Variants in ROBO1 observed in about 807,000 individuals in gnomAD.
ROBO1 encodes roundabout guidance receptor 1.
A neutral mutation model predicts 195.9 loss-of-function variants in ROBO1; 149 were observed. The observed-to-expected ratio is 0.76, with a 90% CI of 0.67 to 0.87. ROBO1 has a LOEUF of 0.87. Among genes scored for constraint, ROBO1 ranks in the 40% least tolerant of loss-of-function variants. ROBO1 has a pLI of 0.00. For missense variants in ROBO1, 1,933 were observed against 2,068.3 expected (o/e 0.93, Z 1.27); for synonymous variants, 816 against 733.2 (o/e 1.11, Z -1.82).
intron 3 of ROBO1, among the ~76,000 whole-genome samples, chr3:79,050,018 T>C (rs963590107): frequency 6.6e-6 from 1 of 152,126 alleles, no homozygotes; most frequent in Non-Finnish European, 1.5e-5. Flanking sequence ...AACCTCATAA[T>C]GACAGGATTA....
intron 2 of ROBO1, among the ~76,000 whole-genome samples, chr3:79,434,842 A>G (rs2038823832): frequency 6.6e-6 from 1 of 152,200 alleles, no homozygotes; most frequent in African/African-American, 2.4e-5. Context: ...GACTGGATTA[A>G]AAAAATATGG....
intron 2 of ROBO1, among the ~76,000 whole-genome samples, chr3:79,273,146 A>C (rs2030721357): frequency 6.6e-6 from 1 of 152,150 alleles, no homozygotes; most frequent in Non-Finnish European, 1.5e-5. Context: ...GACATTAATG[A>C]GCACTAAGAA....
chr3:79,032,106 C>CTTAAA (rs2078306975), intron 3 of ROBO1, among the ~76,000 whole-genome samples: 1 of 150,952 alleles, frequency 6.6e-6, no homozygotes, highest in African/African-American at 2.4e-5. Flanking sequence ...GTAGATAAGG[C>CTTAAA]TTAAGAGAGG....
chr3:79,212,563 A>ACAAT lies in ROBO1; in HGVS notation c.89-87028_89-87025dup, dbSNP rs558735914. On this transcript the variant is annotated intron_variant, in intron 2 of 30. Coordinates refer to ENST00000464233, the MANE Select transcript of ROBO1 (RefSeq NM_002941.4). ...TAGGCTGGGCGTGGTGGCTACACCTACAATCCCAGCACTTTGGGAGACTGA... is the reference window on the plus strand; with the variant it reads ...TAGGCTGGGCGTGGTGGCTACACCTACAATCAATCCCAGCACTTTGGGAGACTGA... Among the ~76,000 whole-genome samples, 183 of 152,172 alleles carry ACAAT rather than the reference A, an allele frequency of 1.2e-3. 1 individual carries two copies. The highest frequency in any genetic ancestry group is 4.2e-3 in the African/African-American group (175 of 41,556).
chr3:79,179,958 C>T (rs2081313977), intron 2 of ROBO1, among the ~76,000 whole-genome samples: 1 of 152,108 alleles, frequency 6.6e-6, no homozygotes, highest in Non-Finnish European at 1.5e-5. Flanking sequence ...TTTTGGTGTG[C>T]TTTCTCCTAT....
chr3:79,545,587 C>A (rs79794170), intron 2 of ROBO1, among the ~76,000 whole-genome samples: 1,600 of 152,204 alleles, frequency 0.011, 26 homozygotes, highest in African/African-American at 0.037. Flanking sequence ...AAGTCCAATG[C>A]TTTGCAGTAT....
chr3:78,951,995 T>C (rs1182674842), intron 3 of ROBO1, among the ~76,000 whole-genome samples: 1 of 151,760 alleles, frequency 6.6e-6, no homozygotes, highest in Non-Finnish European at 1.5e-5. Context: ...TTATTCTTTA[T>C]TCATATATAT....
chr3:78,773,697 T>G (rs1341037478), intron 4 of ROBO1, among the ~76,000 whole-genome samples: 1 of 152,190 alleles, frequency 6.6e-6, no homozygotes, highest in Non-Finnish European at 1.5e-5. Flanking sequence ...TGTCATGTGC[T>G]AGACAATCCC....
intron 4 of ROBO1, among the ~76,000 whole-genome samples, chr3:78,828,422 A>G (rs1366684797): frequency 6.6e-6 from 1 of 152,154 alleles, no homozygotes; most frequent in Non-Finnish European, 1.5e-5. Flanking sequence ...TCATTTGAAA[A>G]TGTGTGTGCT....
chr3:79,673,051 A>G (rs952851559), intron 1 of ROBO1, among the ~76,000 whole-genome samples: 2 of 151,982 alleles, frequency 1.3e-5, no homozygotes, highest in African/African-American at 4.8e-5. Flanking sequence ...GGGCATTCAT[A>G]CCATCAAAGA....
intron 2 of ROBO1, among the ~76,000 whole-genome samples, chr3:79,573,754 C>G (rs1943355284): frequency 6.6e-6 from 1 of 152,168 alleles, no homozygotes; most frequent in African/African-American, 2.4e-5. Flanking sequence ...ATCTGCTGGT[C>G]ACTTCATTAA....
intron 2 of ROBO1, among the ~76,000 whole-genome samples, chr3:79,143,290 T>C (rs541535316): frequency 6.6e-6 from 1 of 152,206 alleles, no homozygotes; most frequent in South Asian, 2.1e-4. Flanking sequence ...AATCTTCCAT[T>C]GCTGGTAAAA....
At chr3:78,701,729 C>A (rs2081425268) in intron 8 of ROBO1, among the ~76,000 whole-genome samples, 1 of 151,918 alleles carries the variant, frequency 6.6e-6, no homozygotes, top group African/African-American at 2.4e-5. Flanking sequence ...GTAAAACGGC[C>A]TATCTATCAG....
At chr3:79,671,349 A>G (rs373588313) in intron 1 of ROBO1, among the ~76,000 whole-genome samples, 21 of 151,960 alleles carry the variant, frequency 1.4e-4, no homozygotes, top group African/African-American at 4.8e-4. Context: ...AGAGAGAATG[A>G]AAAATCCAGA....
rs1453429145 is a variant in ROBO1 at position 79,240,521 on chromosome 3, T to G, written c.89-114982A>C. Among the ~76,000 whole-genome samples, 3 of 152,224 alleles carry G rather than the reference T, an allele frequency of 2.0e-5. 1 individual carries two copies. The East Asian group carries it at 5.8e-4, about 29-fold the overall frequency. The stretch of plus-strand genomic sequence containing the variant: ...TCCTGGCCTTAAATTTTATCTGTTT[T>G]TGAAAACTGGGGGAAAGAAATATGA... On this transcript the variant is annotated intron_variant, in intron 2 of 30. Coordinates refer to ENST00000464233, the MANE Select transcript of ROBO1 (RefSeq NM_002941.4).
At chr3:79,296,426 C>T (rs1022585651) in intron 2 of ROBO1, among the ~76,000 whole-genome samples, 7 of 151,516 alleles carry the variant, frequency 4.6e-5, no homozygotes, top group Non-Finnish European at 7.4e-5. Context: ...TAGACTCTGC[C>T]ATAGAAAGAC....
At chr3:79,479,965 T>G (rs1938750481) in intron 2 of ROBO1, among the ~76,000 whole-genome samples, 1 of 152,188 alleles carries the variant, frequency 6.6e-6, no homozygotes, top group South Asian at 2.1e-4. Context: ...AATAGAAAAT[T>G]TGCATTTACC....
At chr3:78,717,180 A>G in intron 7 of ROBO1, 95 bp downstream of exon 7, 1 of 1,311,760 alleles carries the variant, frequency 7.6e-7, no homozygotes, top group South Asian at 1.6e-5. Context: ...GGATTCTAGA[A>G]TGGACTATTC....
chr3:79,550,152 G>GAAAGAAAGAAAGA (rs1942425032), intron 2 of ROBO1, among the ~76,000 whole-genome samples: 1 of 91,086 alleles, frequency 1.1e-5, no homozygotes, highest in Admixed American at 1.1e-4. Context: ...AAAAAGAAAG[G>GAAAGAAAGAAAGA]AAGAAAGAAA....
Sources: gnomAD v4.1 joint callset for allele counts (sites outside exome capture counted in the v4.1 genomes callset) on GRCh38, gnomAD v4.1.1 for gene constraint, MANE v1.5 for transcripts, NCBI Gene and HGNC (gene_info 2026-07-23, HGNC 2026-07-21) for gene names.